Variants in CAMSAP2 observed in about 807,000 individuals in gnomAD.
The protein encoded by CAMSAP2 is calmodulin regulated spectrin associated protein family member 2, also known as calmodulin-regulated spectrin-associated protein 2.
CAMSAP2 carries 26 observed loss-of-function variants against 146.1 expected under a neutral mutation model. That is an observed-to-expected ratio of 0.18 (90% CI 0.13 to 0.25). CAMSAP2 has a LOEUF of 0.25. Among genes scored for constraint, CAMSAP2 ranks in the 10% least tolerant of loss-of-function variants. The pLI, the probability that CAMSAP2 is intolerant of heterozygous loss-of-function variation, is 1.00. For missense variants in CAMSAP2, 1,381 were observed against 1,759.3 expected, an observed-to-expected ratio of 0.78 and a Z score of 3.85; for synonymous variants, 499 against 596.6, an observed-to-expected ratio of 0.84 and a Z score of 2.38.
At position 200,740,209 on chromosome 1, in the gene CAMSAP2, TC is replaced by T. The variant is rs1470856356; in HGVS notation, c.139+250del. On this transcript the variant is annotated intron_variant, in intron 1 of 16. Transcript: ENST00000358823. ...ATTCCTTTTATTGGATGGCAAAATG[TC>T]CCCCCCATCCCCCAGTGAGCAATTT... is the stretch of plus-strand genomic sequence containing the variant. Among the ~76,000 whole-genome samples, 9 of 152,036 alleles carry T rather than the reference TC, an allele frequency of 5.9e-5. No homozygotes were observed. In the East Asian group the frequency reaches 1.2e-3, roughly 20 times the overall value.
intron 4 of CAMSAP2, among the ~76,000 whole-genome samples, chr1:200,824,343 A>T (rs2102198709): frequency 6.6e-6 from 1 of 152,140 alleles, no homozygotes; most frequent in East Asian, 1.9e-4. Context: ...TTTCTTCAGT[A>T]AGTCTTAATT....
At chr1:200,836,059 A>G (rs145126711) in intron 6 of CAMSAP2, among the ~76,000 whole-genome samples, 6 of 150,758 alleles carry the variant, frequency 4.0e-5, no homozygotes, top group Middle Eastern at 3.4e-3. Flanking sequence ...TATTACTACC[A>G]CAGCTTTGAC....
chr1:200,843,741 A>G (rs1281193252), intron 7 of CAMSAP2, among the ~76,000 whole-genome samples: 1 of 152,208 alleles, frequency 6.6e-6, no homozygotes, highest in Non-Finnish European at 1.5e-5. Context: ...TCTCTAATTG[A>G]CCAAAATACC....
chr1:200,739,702 C>A lies in CAMSAP2; in HGVS notation c.-126C>A, dbSNP rs962948309. On this transcript the variant is annotated 5_prime_UTR_variant, in exon 1 of 17. Coordinates refer to ENST00000358823, the MANE Select transcript of CAMSAP2 (RefSeq NM_203459.4). The surrounding 1 kb of genome is among the most constrained non-coding windows in gnomAD (Gnocchi z 4.8). ...AGCTGAGCTTCTCCTCCGTCGGCGC[C>A]CGGGCGGACATCGCCCGGGCCCCGA... 5 of 923,304 alleles carry A rather than the reference C, an allele frequency of 5.4e-6. No individual in the cohort carries two copies. The African/African-American group carries it at 7.0e-5, about 13-fold the overall frequency. The allele number at this position is 923,304 out of a possible 1,614,324, so 57.2% of individuals were successfully genotyped here. A position where few individuals can be genotyped will look rare whatever the true frequency, so the allele number is the denominator to read the frequency against.
At chr1:200,840,263 G>T (rs1028595270) in intron 6 of CAMSAP2, among the ~76,000 whole-genome samples, 2 of 152,002 alleles carry the variant, frequency 1.3e-5, no homozygotes, top group African/African-American at 4.8e-5. Flanking sequence ...CATCACTCTT[G>T]ATTCTTCTCT....
intron 2 of CAMSAP2, among the ~76,000 whole-genome samples, chr1:200,800,311 A>G (rs1470265220): frequency 6.6e-6 from 1 of 152,130 alleles, no homozygotes; most frequent in Admixed American, 6.5e-5. Context: ...GTCTCTTTGT[A>G]GGCCTCTAAG....
In CAMSAP2 at chr1:200,849,973, A is replaced by C; in HGVS notation, c.3204A>C (p.Thr1068=). 1 of 1,614,188 alleles carries C rather than the reference A, an allele frequency of 6.2e-7. No homozygotes were observed. Among genetic ancestry groups the C allele is most frequent in the East Asian group, 2.2e-5 (1 of 44,886 alleles). Residue 1068 remains threonine, a synonymous_variant, in exon 11 of 17, where the codon ACA becomes ACC. Transcript: ENST00000358823. This position sits in a 1 kb window ranked among gnomAD's most constrained non-coding sequence, Gnocchi z 6.3. ...AGGAAATCAAACCTTTTGAGTCAAC[A>C]GTCTCTGAAGTCCTATCACTGCCTG... ...EEKEIKPFES[T]VSEVLSLPVT... is the part of the protein sequence containing the mutation.
At chr1:200,784,037 C>CTT (rs143205896) in intron 2 of CAMSAP2, among the ~76,000 whole-genome samples, 5 of 150,104 alleles carry the variant, frequency 3.3e-5, no homozygotes, top group East Asian at 3.9e-4. Flanking sequence ...TCATTTTACC[C>CTT]TTTTTTTTTA....
intron 1 of CAMSAP2, among the ~76,000 whole-genome samples, chr1:200,748,174 G>A (rs189428090): frequency 7.2e-4 from 109 of 152,092 alleles, no homozygotes; most frequent in African/African-American, 2.5e-3. Context: ...AATCTTTCAT[G>A]TACCCATCAT....
At chr1:200,781,246 C>T (rs191852426) in intron 2 of CAMSAP2, among the ~76,000 whole-genome samples, 99 of 152,264 alleles carry the variant, frequency 6.5e-4, no homozygotes, top group Middle Eastern at 3.4e-3. Context: ...CTTTGAAGTA[C>T]GGCATATGTG....
intron 2 of CAMSAP2, among the ~76,000 whole-genome samples, chr1:200,766,421 G>A (rs145704990): frequency 6.6e-6 from 1 of 152,116 alleles, no homozygotes; most frequent in African/African-American, 2.4e-5. Flanking sequence ...ATTACACCTG[G>A]TCTATCAGGT....
At chr1:200,747,199 G>A (rs1664358843) in intron 1 of CAMSAP2, among the ~76,000 whole-genome samples, 1 of 152,122 alleles carries the variant, frequency 6.6e-6, no homozygotes, top group Non-Finnish European at 1.5e-5. Context: ...CCACCCAGCT[G>A]ACTGCCAGTC....
At chr1:200,812,145 C>G (rs944762379) in intron 3 of CAMSAP2, among the ~76,000 whole-genome samples, 7 of 152,160 alleles carry the variant, frequency 4.6e-5, no homozygotes, top group African/African-American at 1.7e-4. Flanking sequence ...TTTTTAAAAT[C>G]TGTCTTCCTC....
chr1:200,764,510 C>T (rs888400420), intron 2 of CAMSAP2, among the ~76,000 whole-genome samples: 2 of 151,992 alleles, frequency 1.3e-5, no homozygotes, highest in African/African-American at 4.8e-5. Context: ...TATTTCTGCA[C>T]TATTAACATT....
At chr1:200,781,984 G>C (rs1310699513) in intron 2 of CAMSAP2, among the ~76,000 whole-genome samples, 1 of 152,028 alleles carries the variant, frequency 6.6e-6, no homozygotes. Flanking sequence ...AGTGTTAATT[G>C]ATATAACATT....
At chr1:200,744,892 G>A (rs1664277707) in intron 1 of CAMSAP2, among the ~76,000 whole-genome samples, 1 of 152,050 alleles carries the variant, frequency 6.6e-6, no homozygotes, top group African/African-American at 2.4e-5. Context: ...GAGCCAGCTT[G>A]AAAGACAAAC....
rs376286165 is a variant in CAMSAP2, at chr1:200,848,078, G to C, written c.1309G>C (p.Asp437His). Residue 437 changes from aspartate (D) to histidine (H), a missense_variant, in exon 11 of 17, where the codon GAT becomes CAT. Coordinates refer to ENST00000358823, the MANE Select transcript of CAMSAP2 (RefSeq NM_203459.4). The stretch of plus-strand genomic sequence containing the variant: ...ATTTGATATTTCTTTTGATAAAGAA[G>C]ATAGTGTACAGAGATCCACTCCAAA... Reference protein sequence around the residue: ...VSFDISFDKEDSVQRSTPNRG... With the variant: ...VSFDISFDKEHSVQRSTPNRG... 6.3e-7 allele frequency: 1 copy of C among 1,577,914 alleles called. No homozygotes were observed. The highest frequency in any genetic ancestry group is 2.2e-5 in the East Asian group (1 of 44,622).
Position 200,847,623 on chromosome 1 carries a change from CT to C in CAMSAP2, c.1193-11del. The C allele has an allele frequency of 6.2e-7, 1 of 1,600,328 alleles. No homozygotes were observed. The highest frequency in any genetic ancestry group is 1.1e-5 in the South Asian group (1 of 88,896). On this transcript the variant is annotated splice_polypyrimidine_tract_variant and intron_variant, in intron 9 of 16. Coordinates refer to ENST00000358823, the MANE Select transcript of CAMSAP2 (RefSeq NM_203459.4). ...TTTTACATGATTTCAATGGCTTTTTCTTTTTTGCATTTGAAGGAGGAATTAG... is the reference window on the plus strand; with the variant it reads ...TTTTACATGATTTCAATGGCTTTTTCTTTTTGCATTTGAAGGAGGAATTAG...
chr1:200,785,058 C>T (rs371123726), intron 2 of CAMSAP2, among the ~76,000 whole-genome samples: 62 of 152,200 alleles, frequency 4.1e-4, no homozygotes, highest in African/African-American at 1.4e-3. Context: ...AGGTGAGTTA[C>T]GTTGATTTCA....
Sources: gnomAD v4.1 joint callset for allele counts (sites outside exome capture counted in the v4.1 genomes callset) on GRCh38, gnomAD v4.1.1 for gene constraint, Gnocchi (gnomAD v3.1) non-coding constraint, MANE v1.5 for transcripts, NCBI Gene and HGNC (gene_info 2026-07-23, HGNC 2026-07-21) for gene names.